GRM7: variants seen among roughly 807,000 people sequenced by gnomAD.
GRM7 encodes the protein glutamate metabotropic receptor 7, also known as metabotropic glutamate receptor 7.
Under a neutral mutation model 84.5 loss-of-function variants are expected in GRM7, and 35 were observed. The ratio of observed to expected loss-of-function variants is 0.41; its 90% CI spans 0.32 to 0.55. GRM7 has a LOEUF of 0.55. Among genes scored for constraint, GRM7 ranks in the 20% least tolerant of loss-of-function variants. The pLI is 0.19. For synonymous variants in GRM7, 487 were observed against 455.1 expected, an observed-to-expected ratio of 1.07 and a Z score of -0.89; for missense variants, 1,003 against 1,194.6, an observed-to-expected ratio of 0.84 and a Z score of 2.36.
At chr3:7,640,636 T>G (rs1173533623) in intron 8 of GRM7, among the ~76,000 whole-genome samples, 3 of 152,342 alleles carry the variant, frequency 2.0e-5, no homozygotes, top group African/African-American at 4.8e-5. Context: ...AAAGAGAATC[T>G]AAGGAAAGTC....
intron 2 of GRM7, among the ~76,000 whole-genome samples, chr3:7,292,240 A>G (rs569655037): frequency 6.6e-6 from 1 of 152,280 alleles, no homozygotes; most frequent in South Asian, 2.1e-4. Flanking sequence ...CCTTCCTTTC[A>G]CAGACATTTA....
chr3:7,376,968 A>G (rs1177374380), intron 4 of GRM7, among the ~76,000 whole-genome samples: 1 of 152,222 alleles, frequency 6.6e-6, no homozygotes, highest in African/African-American at 2.4e-5. Context: ...GACAATGCCA[A>G]ACGTCCCCTG....
chr3:7,179,282 T>C (rs779522617), intron 2 of GRM7, among the ~76,000 whole-genome samples: 1 of 152,190 alleles, frequency 6.6e-6, no homozygotes, highest in Non-Finnish European at 1.5e-5. Flanking sequence ...CATGAGCAAG[T>C]GGAAGCATCT....
At position 7,091,763 on chromosome 3, in the gene GRM7, C is replaced by A. The variant is rs567280299; in HGVS notation, c.520-54689C>A. 7.4e-5 allele frequency among the ~76,000 whole-genome samples: 11 copies of A among 148,742 alleles called. No individual in the cohort carries two copies. In the South Asian group the frequency reaches 8.5e-4, roughly 12 times the overall value. ...AATGAGCGTTTTTGACAGTATGGTG[C>A]GGACTGAGTTTTAAAACTCAGGATA... is the stretch of plus-strand genomic sequence containing the variant. On this transcript the variant is annotated intron_variant, in intron 1 of 9. Transcript: ENST00000357716.
intron 2 of GRM7, among the ~76,000 whole-genome samples, chr3:7,152,378 T>C (rs1694312849): frequency 6.6e-6 from 1 of 152,192 alleles, no homozygotes; most frequent in Non-Finnish European, 1.5e-5. Context: ...ATAAAGTCAT[T>C]TCAGTATCTG....
intron 1 of GRM7, among the ~76,000 whole-genome samples, chr3:7,011,345 T>G (rs1695361780): frequency 6.6e-6 from 1 of 152,202 alleles, no homozygotes; most frequent in Admixed American, 6.5e-5. Flanking sequence ...TTATTACCAT[T>G]AGTGAATTGG....
At chr3:7,549,615 AG>A (rs1673538554) in intron 7 of GRM7, among the ~76,000 whole-genome samples, 1 of 152,184 alleles carries the variant, frequency 6.6e-6, no homozygotes, top group Non-Finnish European at 1.5e-5. Context: ...CCACATGGGA[AG>A]AAAAAACTTC....
At chr3:7,353,434 A>T (rs1693248469) in intron 4 of GRM7, among the ~76,000 whole-genome samples, 1 of 152,034 alleles carries the variant, frequency 6.6e-6, no homozygotes, top group South Asian at 2.1e-4. Flanking sequence ...GCAGCCGGGG[A>T]AGTTAAAAAA....
At chr3:7,523,293 A>C (rs1199375526) in intron 7 of GRM7, among the ~76,000 whole-genome samples, 1 of 152,018 alleles carries the variant, frequency 6.6e-6, no homozygotes, top group East Asian at 1.9e-4. Flanking sequence ...TATACAGAAA[A>C]ATTTTTTTCC....
At chr3:6,992,576 A>T (rs1426290490) in intron 1 of GRM7, among the ~76,000 whole-genome samples, 1 of 152,212 alleles carries the variant, frequency 6.6e-6, no homozygotes, top group Non-Finnish European at 1.5e-5. Flanking sequence ...CATGGAATGA[A>T]GTTGATGAGA....
intron 9 of GRM7, among the ~76,000 whole-genome samples, chr3:7,710,996 C>T (rs372031670): frequency 4.1e-4 from 62 of 152,318 alleles, no homozygotes; most frequent in African/African-American, 1.4e-3. Flanking sequence ...CTCCTATGTA[C>T]TCCCACAGCC....
chr3:7,441,465 C>T (rs914447151), intron 5 of GRM7, among the ~76,000 whole-genome samples: 1 of 152,014 alleles, frequency 6.6e-6, no homozygotes, highest in Non-Finnish European at 1.5e-5. Context: ...TTGATGGTTT[C>T]TTTTGCTGTG....
At chr3:6,881,556 C>A (rs1306099961) in intron 1 of GRM7, among the ~76,000 whole-genome samples, 1 of 151,344 alleles carries the variant, frequency 6.6e-6, no homozygotes, top group African/African-American at 2.4e-5. Context: ...GGCATTTGGT[C>A]TAATACCCAC....
At chr3:6,904,530 T>G (rs556661769) in intron 1 of GRM7, among the ~76,000 whole-genome samples, 29 of 152,298 alleles carry the variant, frequency 1.9e-4, no homozygotes, top group African/African-American at 6.3e-4. Flanking sequence ...GATTCAGCTC[T>G]GTGTCTCTTT....
chr3:7,373,321 T>A (rs1305095556), intron 4 of GRM7, among the ~76,000 whole-genome samples: 2 of 152,198 alleles, frequency 1.3e-5, no homozygotes, highest in African/African-American at 4.8e-5. Context: ...TAGCCCAAGT[T>A]TATTTGTGAT....
intron 8 of GRM7, among the ~76,000 whole-genome samples, chr3:7,601,166 A>T (rs186713449): frequency 3.3e-5 from 5 of 152,316 alleles, no homozygotes; most frequent in African/African-American, 9.6e-5. Context: ...TATTTAAGGC[A>T]TTAATAGAGA....
At chr3:7,343,419 G>T (rs1339097285) in intron 4 of GRM7, among the ~76,000 whole-genome samples, 1 of 151,974 alleles carries the variant, frequency 6.6e-6, no homozygotes, top group African/African-American at 2.4e-5. Flanking sequence ...TCACTATGTT[G>T]CCCAGGCTGG....
At chr3:7,101,945 T>C (rs1211574139) in intron 1 of GRM7, among the ~76,000 whole-genome samples, 1 of 151,316 alleles carries the variant, frequency 6.6e-6, no homozygotes, top group African/African-American at 2.4e-5. Flanking sequence ...ACTTAAAATG[T>C]AAGAGAATTG....
At chr3:6,975,692 T>C (rs1693962836) in intron 1 of GRM7, among the ~76,000 whole-genome samples, 1 of 152,228 alleles carries the variant, frequency 6.6e-6, no homozygotes, top group African/African-American at 2.4e-5. Flanking sequence ...TTTATTCTAA[T>C]ATATTTTATT....
Sources: allele counts gnomAD v4.1 joint callset (sites outside exome capture counted in the v4.1 genomes callset), GRCh38; gene constraint gnomAD v4.1.1; transcripts MANE v1.5; gene names NCBI Gene and HGNC (gene_info 2026-07-23, HGNC 2026-07-21).